The following ZNF565 variants were observed in gnomAD, a reference collection of about 807,000 sequenced individuals.
The protein encoded by ZNF565 is zinc finger protein 565.
In ZNF565, 27 loss-of-function variants were observed where a neutral mutation model predicts 39.4. The observed-to-expected ratio is 0.69, with a 90% CI of 0.51 to 0.95. ZNF565 has a LOEUF of 0.95. Ranked by LOEUF, ZNF565 falls within the 40% of genes least tolerant of loss-of-function variation. The pLI, the probability that ZNF565 is intolerant of heterozygous loss-of-function variation, is 0.00. For missense variants in ZNF565, 524 were observed against 621.1 expected (o/e 0.84, Z 1.66); for synonymous variants, 185 against 216.6 (o/e 0.85, Z 1.28).
Position 36,223,848 on chromosome 19 carries a change from T to A in ZNF565, c.55+21628A>T, listed in dbSNP as rs536717552. ...TGCAGCCTTCATATCCTCGCTAATT[T>A]AAAAAAAAAAAAATTGTAGAGATAA... On this transcript the variant is annotated intron_variant, in intron 1 of 4. Coordinates refer to the ZNF565 transcript ENST00000355114. Among the ~76,000 whole-genome samples the A allele has an allele frequency of 1.1e-3, 156 of 146,454 alleles. No homozygotes were observed. The East Asian group carries it at 0.018, about 17-fold the overall frequency.
At chr19:36,215,648 A>G (rs1321263373), upstream of ZNF565, among the ~76,000 whole-genome samples, 1 of 152,070 alleles carries the variant, frequency 6.6e-6, no homozygotes, top group Non-Finnish European at 1.5e-5. Flanking sequence ...GTGGCATGCA[A>G]ATCACCGTGA....
intron 1 of ZNF565, among the ~76,000 whole-genome samples, chr19:36,223,881 C>T (rs1056015368): frequency 2.0e-5 from 3 of 152,014 alleles, no homozygotes; most frequent in African/African-American, 4.8e-5. Flanking sequence ...TAAGATCTCC[C>T]TGTGTTGCCC....
At chr19:36,202,681 T>C (rs917384618) in intron 1 of ZNF565, among the ~76,000 whole-genome samples, 3 of 152,116 alleles carry the variant, frequency 2.0e-5, no homozygotes. Flanking sequence ...GACAGCACCA[T>C]CAGGCTAGGA....
intron 1 of ZNF565, among the ~76,000 whole-genome samples, chr19:36,221,955 A>G (rs1264883715): frequency 9.1e-6 from 1 of 109,838 alleles, no homozygotes; most frequent in African/African-American, 3.5e-5. Context: ...TTTTTGAAAT[A>G]GTCTCGCTCT....
At chr19:36,192,973 TGCTCA>T (rs1265637474) in intron 4 of ZNF565, among the ~76,000 whole-genome samples, 3 of 138,986 alleles carry the variant, frequency 2.2e-5, no homozygotes, top group African/African-American at 8.4e-5. Flanking sequence ...CCCACAACCA[TGCTCA>T]GCTAAGTTTT....
At chr19:36,195,192 GA>G (rs765603720) in intron 2 of ZNF565, 36 bp from the exon 3 acceptor site, 2 of 1,575,644 alleles carry the variant, frequency 1.3e-6, no homozygotes, top group Non-Finnish European at 1.7e-6. Flanking sequence ...TGTACATTAA[GA>G]AACTTTTTTC....
intron 1 of ZNF565, among the ~76,000 whole-genome samples, chr19:36,212,767 G>C (rs760733287): frequency 6.6e-6 from 1 of 152,162 alleles, no homozygotes; most frequent in Non-Finnish European, 1.5e-5. Flanking sequence ...CCATCTCCAA[G>C]GCACGCAGTA....
chr19:36,234,420 C>T (rs114202562), intron 1 of ZNF565, among the ~76,000 whole-genome samples: 1,866 of 152,284 alleles, frequency 0.012, 39 homozygotes, highest in African/African-American at 0.042. Flanking sequence ...AGAAGATTAA[C>T]CATGTTGTCC....
chr19:36,222,529 A>G (rs1215870997), intron 1 of ZNF565, among the ~76,000 whole-genome samples: 1 of 152,168 alleles, frequency 6.6e-6, no homozygotes, highest in Non-Finnish European at 1.5e-5. Context: ...CCTTAAACTC[A>G]CCATGAGTGT....
chr19:36,226,079 A>G (rs1977055035), intron 1 of ZNF565, among the ~76,000 whole-genome samples: 1 of 152,040 alleles, frequency 6.6e-6, no homozygotes, highest in South Asian at 2.1e-4. Context: ...CCACGGTAAC[A>G]TTTCTCCCTG....
chr19:36,199,663 G>A (rs185708960), intron 2 of ZNF565, among the ~76,000 whole-genome samples: 37 of 151,904 alleles, frequency 2.4e-4, no homozygotes, highest in Non-Finnish European at 5.2e-4. Flanking sequence ...GCATGCCACT[G>A]CACCTGGCTA....
intron 1 of ZNF565, among the ~76,000 whole-genome samples, chr19:36,221,866 C>T (rs1262004052): frequency 6.6e-6 from 1 of 151,776 alleles, no homozygotes; most frequent in African/African-American, 2.4e-5. Context: ...ACATGCACCT[C>T]CCTATATCTC....
intron 1 of ZNF565, among the ~76,000 whole-genome samples, chr19:36,231,368 C>T (rs1977361576): frequency 6.6e-6 from 1 of 152,058 alleles, no homozygotes; most frequent in African/African-American, 2.4e-5. Flanking sequence ...CACCACCACA[C>T]CCGGCTAATT....
At position 36,201,497 on chromosome 19, in the gene ZNF565, C is replaced by CA. The variant is rs780407113; in HGVS notation, c.9+479dup. Among the ~76,000 whole-genome samples, 115 of 151,914 alleles carry CA rather than the reference C, an allele frequency of 7.6e-4. 1 individual carries two copies. Among genetic ancestry groups the CA allele is most frequent in the Middle Eastern group, 6.8e-3 (2 of 292 alleles). Reference sequence around the variant, plus strand: ...GCATTTATTTATTTATTTATTTAGACAGAGTCTCGCTCTGTCTCCCAGGGT... The same window carrying CA: ...GCATTTATTTATTTATTTATTTAGACAAGAGTCTCGCTCTGTCTCCCAGGGT... On this transcript the variant is annotated intron_variant, in intron 2 of 4. Transcript: ENST00000304116.
chr19:36,183,507 A>T lies in ZNF565; in HGVS notation c.459T>A (p.Ser153=). The T allele has an allele frequency of 6.2e-7, 1 of 1,614,216 alleles. No homozygotes were observed. Among genetic ancestry groups the T allele is most frequent in the Non-Finnish European group, 8.5e-7 (1 of 1,180,046 alleles). The part of the protein sequence containing the change: ...GHMPVFQHHT[S]HTVRQSRETG... ...TCTCCCTGCTCTGACGTACAGTGTGAGACGTGTGATGCTGGAACACGGGCA... is the reference window on the plus strand; with the variant it reads ...TCTCCCTGCTCTGACGTACAGTGTGTGACGTGTGATGCTGGAACACGGGCA... The change falls in exon 5 of 5, where the codon TCT becomes TCA. Residue 153 remains serine, a synonymous_variant. Coordinates refer to ENST00000304116, the MANE Select transcript of ZNF565 (RefSeq NM_152477.5).
At chr19:36,203,619 A>G (rs1271898460) in intron 1 of ZNF565, 1 of 152,346 alleles carries the variant, frequency 6.6e-6, no homozygotes, top group Non-Finnish European at 1.5e-5. Context: ...TCTGTTGCCC[A>G]GGCTGGAGTG....
intron 4 of ZNF565, among the ~76,000 whole-genome samples, chr19:36,189,475 C>T (rs13347089): frequency 0.22 from 33,609 of 150,994 alleles, 3,950 homozygotes; most frequent in East Asian, 0.4. Flanking sequence ...CCACCATGCC[C>T]GGCTAATTTT....
At position 36,192,673 on chromosome 19, in the gene ZNF565, G is replaced by A. The variant is rs550679397; in HGVS notation, c.232+1560C>T. Among the ~76,000 whole-genome samples, 93 of 151,820 alleles carry A rather than the reference G, an allele frequency of 6.1e-4. 2 individuals are homozygous for A. The South Asian group carries it at 0.016, about 25-fold the overall frequency. On this transcript the variant is annotated intron_variant, in intron 4 of 4. Transcript: ENST00000304116. ...GGAGAATTACTTGAATCTGGGAGGC[G>A]GAGGTTTTAGTAGAGATGGGGTTTT...
At position 36,191,572 on chromosome 19, in the gene ZNF565, C is replaced by T. The variant is rs868096686; in HGVS notation, c.232+2661G>A. On this transcript the variant is annotated intron_variant, in intron 4 of 4. Transcript: ENST00000304116. ...GGGTGTGTTGAGAGAACCCAGGAGC[C>T]AAGCTTAACGAGTTTTCAAGGGCCA... Among the ~76,000 whole-genome samples the T allele has an allele frequency of 2.0e-5, 3 of 151,958 alleles. No individual in the cohort carries two copies. The South Asian group carries it at 6.2e-4, about 32-fold the overall frequency.
Sources: gnomAD v4.1 joint callset for allele counts (sites outside exome capture counted in the v4.1 genomes callset) on GRCh38, gnomAD v4.1.1 for gene constraint, MANE v1.5 for transcripts, NCBI Gene and HGNC (gene_info 2026-07-23, HGNC 2026-07-21) for gene names.